Variants in MAEL observed in about 807,000 individuals in gnomAD.
MAEL encodes the protein protein maelstrom homolog.
Under a neutral mutation model 62.0 loss-of-function variants are expected in MAEL, and 46 were observed. The observed-to-expected ratio is 0.74, with a 90% confidence interval of 0.59 to 0.95. The LOEUF (loss-of-function observed/expected upper bound fraction) is 0.95, where lower values mean the gene tolerates loss of function less well. MAEL is among the 40% of genes least tolerant of loss of function. The pLI is 0.00. For missense variants in MAEL, 497 were observed against 526.8 expected (o/e 0.94, Z 0.55); for synonymous variants, 172 against 175.5 (o/e 0.98, Z 0.16).
chr1:167,017,313 T>G (rs1180830280), intron 9 of MAEL, among the ~76,000 whole-genome samples: 1 of 152,150 alleles, frequency 6.6e-6, no homozygotes, highest in Non-Finnish European at 1.5e-5. Flanking sequence ...GTACATCATA[T>G]TACTTTTATT....
At chr1:166,987,352 A>G (rs927377564), upstream of MAEL, among the ~76,000 whole-genome samples, 4 of 152,226 alleles carry the variant, frequency 2.6e-5, no homozygotes, top group Non-Finnish European at 5.9e-5. Context: ...TCGAATATCA[A>G]TAGCTCATTC....
chr1:167,011,036 T>C (rs1214100389), intron 8 of MAEL, among the ~76,000 whole-genome samples: 1 of 151,986 alleles, frequency 6.6e-6, no homozygotes, highest in Non-Finnish European at 1.5e-5. Context: ...AAAGGGCCCT[T>C]CCCCCTTCCT....
At chr1:166,976,445 T>A (rs1663583327) in intron 1 of MAEL, among the ~76,000 whole-genome samples, 1 of 152,170 alleles carries the variant, frequency 6.6e-6, no homozygotes, top group Non-Finnish European at 1.5e-5. Context: ...ATTAAAGACA[T>A]GATACTTATT....
At chr1:167,005,174 T>C (rs1192649907) in intron 7 of MAEL, 44 bp downstream of exon 7, 1 of 1,611,576 alleles carries the variant, frequency 6.2e-7, no homozygotes, top group African/African-American at 1.3e-5. Context: ...TTATAGTTAA[T>C]ATCTGTATTT....
chr1:166,981,179 C>T (rs969932984), intron 1 of MAEL, among the ~76,000 whole-genome samples: 17 of 152,088 alleles, frequency 1.1e-4, no homozygotes, highest in African/African-American at 3.9e-4. Context: ...AGTAGCGGGG[C>T]GAGGATCTCT....
chr1:167,019,551 A>G (rs919086492), intron 10 of MAEL, among the ~76,000 whole-genome samples: 3 of 151,968 alleles, frequency 2.0e-5, no homozygotes, highest in East Asian at 1.9e-4. Context: ...GGCAAAGTCT[A>G]TTTACCTTCT....
chr1:166,978,573 C>T (rs776654711), intron 1 of MAEL, among the ~76,000 whole-genome samples: 1 of 152,268 alleles, frequency 6.6e-6, no homozygotes, highest in African/African-American at 2.4e-5. Context: ...GATTCACAGG[C>T]TCTACTAAGA....
At position 166,989,345 on chromosome 1, in the gene MAEL, G is replaced by C. The variant is rs201592441; in HGVS notation, c.-8G>C. The C allele has an allele frequency of 1.2e-6, 2 of 1,607,338 alleles. No homozygotes were observed. The highest frequency in any genetic ancestry group is 2.2e-5 in the East Asian group (1 of 44,616). On this transcript the variant is annotated 5_prime_UTR_variant, in exon 1 of 12. Coordinates refer to ENST00000367872, the MANE Select transcript of MAEL (RefSeq NM_032858.3). ...CTGTCTGAGGCCAGGAAGTTTGACC[G>C]CGCTGCCATGCCGAACCGTAAGGCC...
At chr1:167,006,464 T>C (rs1356887123) in intron 8 of MAEL, among the ~76,000 whole-genome samples, 1 of 151,850 alleles carries the variant, frequency 6.6e-6, no homozygotes, top group Non-Finnish European at 1.5e-5. Flanking sequence ...GAAGGGATTA[T>C]GTGACTGACT....
At position 166,989,782 on chromosome 1, in the gene MAEL, G is replaced by T; in HGVS notation, c.178G>T (p.Glu60Ter). The change falls in exon 2 of 12, where the codon GAA becomes TAA. Residue 60 changes from glutamate to a stop codon, truncating the protein, a stop_gained. Coordinates refer to ENST00000367872, the MANE Select transcript of MAEL (RefSeq NM_032858.3). LOFTEE classifies it high-confidence loss of function. Reference protein sequence around the residue: ...EKEKYAEMAREWRAAQGKDPG... With the variant: ...EKEKYAEMAR ...GGAGAAATACGCAGAAATGGCTCGA[G>T]AATGGAGGGCCGCTCAGGGAAAGGA... 6.2e-7 allele frequency: 1 copy of T among 1,614,040 alleles called. No individual in the cohort carries two copies.
chr1:167,001,038 A>G (rs555397243), intron 5 of MAEL, among the ~76,000 whole-genome samples: 36 of 152,236 alleles, frequency 2.4e-4, no homozygotes, highest in Admixed American at 2.0e-3. Context: ...AGGAAACTGT[A>G]GTATATATAT....
At chr1:166,987,909 A>G (rs1663976217), upstream of MAEL, among the ~76,000 whole-genome samples, 1 of 152,212 alleles carries the variant, frequency 6.6e-6, no homozygotes, top group Non-Finnish European at 1.5e-5. Context: ...AAATACCACA[A>G]AATCTATACA....
chr1:167,017,415 G>A lies in MAEL; in HGVS notation c.909-412G>A, dbSNP rs115527561. Among the ~76,000 whole-genome samples, 1,014 of 152,224 alleles carry A rather than the reference G, an allele frequency of 6.7e-3. 6 individuals are homozygous for A. The highest frequency in any genetic ancestry group is 0.023 in the African/African-American group (942 of 41,542). ...TCTAACACATAGGTCTTTTGTTCTC[G>A]TTTTGTAGTGAAAGTACCGGGAGCC... On this transcript the variant is annotated intron_variant, in intron 9 of 11. Coordinates refer to ENST00000367872, the MANE Select transcript of MAEL (RefSeq NM_032858.3).
chr1:167,010,242 G>A (rs1223275800), intron 8 of MAEL, among the ~76,000 whole-genome samples: 1 of 152,070 alleles, frequency 6.6e-6, no homozygotes, highest in East Asian at 1.9e-4. Flanking sequence ...ATTTCCTGAG[G>A]CCTCCCCACC....
At chr1:166,982,777 C>T (rs920842966) in intron 1 of MAEL, among the ~76,000 whole-genome samples, 2 of 152,212 alleles carry the variant, frequency 1.3e-5, no homozygotes, top group Non-Finnish European at 2.9e-5. Flanking sequence ...ACCTCCCTCT[C>T]TAATATTCTC....
chr1:167,003,473 G>A (rs1664761985), intron 5 of MAEL, among the ~76,000 whole-genome samples: 2 of 152,186 alleles, frequency 1.3e-5, no homozygotes, highest in South Asian at 4.1e-4. Context: ...TTATGATAAT[G>A]TTAACTTCCT....
chr1:167,006,628 TATATATATACA>T (rs1225009942), intron 8 of MAEL, among the ~76,000 whole-genome samples: 63 of 101,554 alleles, frequency 6.2e-4, no homozygotes, highest in Non-Finnish European at 1.2e-3. Context: ...TATATATATA[TATATATATACA>T]TTTTTTTTTT....
intron 9 of MAEL, among the ~76,000 whole-genome samples, chr1:167,016,987 AAGGGTACTAG>A (rs1665422399): frequency 6.6e-6 from 1 of 152,170 alleles, no homozygotes; most frequent in African/African-American, 2.4e-5. Context: ...AGAGGCTAGG[AAGGGTACTAG>A]AGGGGTGAGG....
At chr1:167,020,178 T>C (rs1665564188) in intron 10 of MAEL, among the ~76,000 whole-genome samples, 1 of 152,210 alleles carries the variant, frequency 6.6e-6, no homozygotes, top group Non-Finnish European at 1.5e-5. Context: ...ACACTAGTAA[T>C]GCTGTAGACT....
Sources: allele counts gnomAD v4.1 joint callset (sites outside exome capture counted in the v4.1 genomes callset), GRCh38; gene constraint gnomAD v4.1.1; transcripts MANE v1.5; gene names NCBI Gene and HGNC (gene_info 2026-07-23, HGNC 2026-07-21).